Variants in SZT2 observed in about 807,000 individuals in gnomAD.
The protein encoded by SZT2 is SZT2 subunit of KICSTOR complex, also known as KICSTOR complex protein SZT2.
SZT2 carries 216 observed loss-of-function variants against 404.2 expected under a neutral mutation model. The ratio of observed to expected loss-of-function variants is 0.53; its 90% CI spans 0.48 to 0.60. The LOEUF (loss-of-function observed/expected upper bound fraction) is 0.60, where lower values mean the gene tolerates loss of function less well. SZT2 is among the 20% of genes least tolerant of loss of function. SZT2 has a pLI of 0.00. For synonymous variants in SZT2, 1,693 were observed against 1,749.9 expected (o/e 0.97, Z 0.81); for missense variants, 3,857 against 4,459.2 (o/e 0.86, Z 3.85).
Position 43,451,056 on chromosome 1 carries a change from G to A in SZT2, c.*576G>A. 1 of 792,834 alleles carries A rather than the reference G, an allele frequency of 1.3e-6. No homozygotes were observed. The highest frequency in any genetic ancestry group is 1.3e-5 in the South Asian group (1 of 74,202). The allele number at this position is 792,834 out of a possible 1,614,324, so 49.1% of individuals were successfully genotyped here. On this transcript the variant is annotated 3_prime_UTR_variant, in exon 72 of 72. Coordinates refer to ENST00000634258, the MANE Select transcript of SZT2 (RefSeq NM_001365999.1). ...GTTCAGAAGCTCTCCCATCTTCACA[G>A]CAACCCTGGCACTGGCTTCTCAATG...
chr1:43,435,395 C>G (rs946340792), intron 42 of SZT2, 66 bp downstream of exon 42: 21 of 1,569,944 alleles, frequency 1.3e-5, no homozygotes, highest in Middle Eastern at 1.8e-4. Context: ...ACCGAATACT[C>G]TGGTGAAAGC....
Position 43,420,337 on chromosome 1 carries a change from G to A in SZT2, c.1261+14G>A. 1.3e-6 allele frequency: 2 copies of A among 1,565,742 alleles called. No homozygotes were observed. Among genetic ancestry groups the A allele is most frequent in the Non-Finnish European group, 1.7e-6 (2 of 1,161,598 alleles). On this transcript the variant is annotated intron_variant, in intron 9 of 71. Coordinates refer to ENST00000634258, the MANE Select transcript of SZT2 (RefSeq NM_001365999.1). This position sits in a 1 kb window ranked among gnomAD's most constrained non-coding sequence, Gnocchi z 5.1. Reference sequence around the variant, plus strand: ...CACTGGCCAAAGGTAAGGGTCATTAGGCCCTGCTGTAATCCCATAGATCTC... The same window carrying A: ...CACTGGCCAAAGGTAAGGGTCATTAAGCCCTGCTGTAATCCCATAGATCTC...
At chr1:43,431,545 C>T in intron 35 of SZT2, 22 bp downstream of exon 35, 1 of 1,613,914 alleles carries the variant, frequency 6.2e-7, no homozygotes, top group Non-Finnish European at 8.5e-7. Context: ...ACCCCCAACA[C>T]TGTAACTGAT....
At chr1:43,404,810 C>T in intron 4 of SZT2, 1 of 359,678 alleles carries the variant, frequency 2.8e-6, no homozygotes, top group Non-Finnish European at 5.0e-6. Context: ...CTGTAAATCT[C>T]TTTGATTCTG....
chr1:43,445,762 C>T (rs1288860536), intron 62 of SZT2, 132 bp from the exon 63 acceptor site: 1 of 872,072 alleles, frequency 1.1e-6, no homozygotes, highest in South Asian at 1.4e-5. Context: ...CCTTGCCACT[C>T]ACAGTGGCAG....
In SZT2 at chr1:43,440,179, T is replaced by C. The variant is rs551648362; in HGVS notation, c.7210+131T>C. 9 of 1,315,002 alleles carry C rather than the reference T, an allele frequency of 6.8e-6. No individual in the cohort carries two copies. The Admixed American group carries it at 1.4e-4, about 20-fold the overall frequency. 81.5% of individuals were successfully genotyped at this position (1,315,002 alleles called of 1,614,324 possible). A position where few individuals can be genotyped will look rare whatever the true frequency, so the allele number is the denominator to read the frequency against. On this transcript the variant is annotated intron_variant, in intron 51 of 71. Transcript: ENST00000634258. ...AGAACTACTACATCAGAACCACTTA[T>C]TCACAGTTGTCCGTGAGCTTGTCTG...
Position 43,450,895 on chromosome 1 carries a change from C to T in SZT2, c.*415C>T. 1 of 738,042 alleles carries T rather than the reference C, an allele frequency of 1.4e-6. No homozygotes were observed. The highest frequency in any genetic ancestry group is 2.5e-6 in the Non-Finnish European group (1 of 401,028). The allele number at this position is 738,042 out of a possible 1,614,324, so 45.7% of individuals were successfully genotyped here. On this transcript the variant is annotated 3_prime_UTR_variant, in exon 72 of 72. Coordinates refer to ENST00000634258, the MANE Select transcript of SZT2 (RefSeq NM_001365999.1). The surrounding 1 kb of genome is among the most constrained non-coding windows in gnomAD (Gnocchi z 4.3). ...TGAGCCTTCGGGTCTTCACTTCCCA[C>T]TTGGACATCACTGCTGGACATTCCC...
At position 43,453,173 on chromosome 1, in the gene SZT2, A is replaced by C; in HGVS notation, c.*2693A>C. ...AGGCAGACTGAGCTCCCAGCATGGG[A>C]TCCCAGCATGGGGTGAGCATGAAAG... On this transcript the variant is annotated 3_prime_UTR_variant, in exon 72 of 72. Coordinates refer to ENST00000634258, the MANE Select transcript of SZT2 (RefSeq NM_001365999.1). 1.5e-6 allele frequency: 1 copy of C among 652,986 alleles called. No homozygotes were observed. The highest frequency in any genetic ancestry group is 2.7e-5 in the East Asian group (1 of 36,586). 40.4% of individuals were successfully genotyped at this position (652,986 alleles called of 1,614,324 possible).
At position 43,448,989 on chromosome 1, in the gene SZT2, A is replaced by C. The variant is rs1225493800; in HGVS notation, c.10086+261A>C. On this transcript the variant is annotated intron_variant, in intron 70 of 71. Coordinates refer to ENST00000634258, the MANE Select transcript of SZT2 (RefSeq NM_001365999.1). The surrounding 1 kb of genome is among the most constrained non-coding windows in gnomAD (Gnocchi z 4.2). Reference sequence around the variant, plus strand: ...CTGAGGGCCAGGCTCTGGAACTGACAACCCAAGGAGCTGTCAGAACTTTGT... The same window carrying C: ...CTGAGGGCCAGGCTCTGGAACTGACCACCCAAGGAGCTGTCAGAACTTTGT... The C allele has an allele frequency of 2.2e-5, 10 of 459,886 alleles. No individual in the cohort carries two copies. In the Admixed American group the frequency reaches 3.3e-4, roughly 15 times the overall value. The allele number at this position is 459,886 out of a possible 1,614,324, so 28.5% of individuals were successfully genotyped here.
rs572247280 is a variant in SZT2 at position 43,449,996 on chromosome 1, G to C, written c.10087-107G>C. ...TATGTGACCTCAGGGTGCAGGCGGG[G>C]TGAGGTGTGGAGATGGAAGTAGGCC... On this transcript the variant is annotated intron_variant, in intron 70 of 71. Transcript: ENST00000634258. The C allele has an allele frequency of 2.9e-5, 39 of 1,330,390 alleles. 1 individual carries two copies. Among genetic ancestry groups the C allele is most frequent in the Middle Eastern group, 1.8e-4 (1 of 5,526 alleles). 82.4% of individuals were successfully genotyped at this position (1,330,390 alleles called of 1,614,324 possible). A position where few individuals can be genotyped will look rare whatever the true frequency, so the allele number is the denominator to read the frequency against.
Position 43,432,389 on chromosome 1 carries a change from G to T in SZT2, c.5392G>T (p.Ala1798Ser). Residue 1798 changes from alanine to serine, a missense_variant, in exon 37 of 72, where the codon GCC (alanine) becomes TCC (serine). By Grantham distance (99) the Ala-to-Ser change is moderately conservative. Coordinates refer to ENST00000634258, the MANE Select transcript of SZT2 (RefSeq NM_001365999.1). ...GGSHGEPSSA[A>S]WAWHSHEDRA... The stretch of plus-strand genomic sequence containing the variant: ...GTCCCATGGGGAGCCTTCTTCAGCG[G>T]CCTGGGCTTGGCACAGTCATGAGGA... 6.3e-7 allele frequency: 1 copy of T among 1,597,470 alleles called. No homozygotes were observed. Among genetic ancestry groups the T allele is most frequent in the Non-Finnish European group, 8.5e-7 (1 of 1,173,090 alleles).
intron 62 of SZT2, chr1:43,445,659 C>A (rs1453604446): frequency 5.1e-6 from 3 of 592,310 alleles, no homozygotes; most frequent in Non-Finnish European, 9.1e-6. Flanking sequence ...TAGTCTCCAC[C>A]TCCCCACTGA....
In SZT2 at chr1:43,408,829, A is replaced by G. The variant is rs1170051113; in HGVS notation, c.498+4279A>G. Among the ~76,000 whole-genome samples the G allele has an allele frequency of 2.0e-5, 3 of 152,146 alleles. No individual in the cohort carries two copies. The East Asian group carries it at 5.8e-4, about 29-fold the overall frequency. ...TCCCATGGGCCTGTAGAGTGAGACA[A>G]TGTCCCACTTTCCCTTTTCTGGCTC... On this transcript the variant is annotated intron_variant, in intron 4 of 71. Coordinates refer to ENST00000634258, the MANE Select transcript of SZT2 (RefSeq NM_001365999.1).
chr1:43,451,869 G>A lies in SZT2; in HGVS notation c.*1389G>A, dbSNP rs781332294. The stretch of plus-strand genomic sequence containing the variant: ...GCCGCTGTAAGAGAAGCCAGGGAGG[G>A]GACCGTGAGCCTCAAGAGCACAGGA... On this transcript the variant is annotated 3_prime_UTR_variant, in exon 72 of 72. Transcript: ENST00000634258. 6.2e-7 allele frequency: 1 copy of A among 1,614,092 alleles called. No homozygotes were observed. Among genetic ancestry groups the A allele is most frequent in the Non-Finnish European group, 8.5e-7 (1 of 1,179,974 alleles).
Position 43,443,486 on chromosome 1 carries a change from G to A in SZT2, c.8625+9G>A. ...GACCCCCTGACGGGCAGGTAAGGCT[G>A]ACTCCCAGACTTCTAGCAGACCTTT... On this transcript the variant is annotated intron_variant, in intron 61 of 71. Coordinates refer to ENST00000634258, the MANE Select transcript of SZT2 (RefSeq NM_001365999.1). 1 of 1,614,082 alleles carries A rather than the reference G, an allele frequency of 6.2e-7. No individual in the cohort carries two copies. The highest frequency in any genetic ancestry group is 8.5e-7 in the Non-Finnish European group (1 of 1,179,990).
In SZT2 at chr1:43,451,941, G is replaced by A. The variant is rs1656479840; in HGVS notation, c.*1461G>A. 6.2e-7 allele frequency: 1 copy of A among 1,612,474 alleles called. No individual in the cohort carries two copies. Among genetic ancestry groups the A allele is most frequent in the African/African-American group, 1.3e-5 (1 of 75,004 alleles). On this transcript the variant is annotated 3_prime_UTR_variant, in exon 72 of 72. Transcript: ENST00000634258. ...GACAGGGCTGGGGTCGTACCCTGCT[G>A]GGGCGTGTCCAGGAAGTACTGGGGG... is the stretch of plus-strand genomic sequence containing the variant.
At position 43,451,163 on chromosome 1, in the gene SZT2, C is replaced by T; in HGVS notation, c.*683C>T. 7.5e-7 allele frequency: 1 copy of T among 1,325,024 alleles called. No individual in the cohort carries two copies. The highest frequency in any genetic ancestry group is 1.4e-5 in the African/African-American group (1 of 69,382). 82.1% of individuals were successfully genotyped at this position (1,325,024 alleles called of 1,614,324 possible). On this transcript the variant is annotated 3_prime_UTR_variant, in exon 72 of 72. Coordinates refer to ENST00000634258, the MANE Select transcript of SZT2 (RefSeq NM_001365999.1). ...TACAGAGACATATGACAATGTTCAGCAGGTCATCTTTAATGCAGAGGAGGA... is the reference window on the plus strand; with the variant it reads ...TACAGAGACATATGACAATGTTCAGTAGGTCATCTTTAATGCAGAGGAGGA...
rs750746676 is a variant in SZT2 at position 43,443,766 on chromosome 1, T to C, written c.8795T>C (p.Val2932Ala). 1 of 1,613,932 alleles carries C rather than the reference T, an allele frequency of 6.2e-7. No individual in the cohort carries two copies. The highest frequency in any genetic ancestry group is 8.5e-7 in the Non-Finnish European group (1 of 1,180,042). Residue 2932 changes from valine to alanine, a missense_variant, in exon 62 of 72, where the codon GTA (valine) becomes GCA (alanine). Val to Ala is a moderately conservative substitution (Grantham distance 64). Coordinates refer to ENST00000634258, the MANE Select transcript of SZT2 (RefSeq NM_001365999.1). The part of the protein sequence containing the change: ...QYLQSIGFVL[V>A]PLRPPSPARS... ...CTGCAGAGCATAGGTTTTGTGCTGG[T>C]ACCACTGCGGCCCCCCTCACCCGCC... is the stretch of plus-strand genomic sequence containing the variant.
rs903901568 is a variant in SZT2 at position 43,452,864 on chromosome 1, C to G, written c.*2384C>G. 6.4e-7 allele frequency: 1 copy of G among 1,565,718 alleles called. No homozygotes were observed. Among genetic ancestry groups the G allele is most frequent in the Non-Finnish European group, 8.7e-7 (1 of 1,155,600 alleles). On this transcript the variant is annotated 3_prime_UTR_variant, in exon 72 of 72. Transcript: ENST00000634258. ...GATCTTAGCCACATCCAGCTCCAAG[C>G]AGACATTCCAGGCCTCCCCATCCCA...
Sources: allele counts gnomAD v4.1 joint callset (sites outside exome capture counted in the v4.1 genomes callset), GRCh38; gene constraint gnomAD v4.1.1; non-coding constraint Gnocchi (gnomAD v3.1); transcripts MANE v1.5; gene names NCBI Gene and HGNC (gene_info 2026-07-23, HGNC 2026-07-21).